The following NRXN1 variants were observed in gnomAD, a reference collection of about 807,000 sequenced individuals.
NRXN1 encodes the protein neurexin 1, also known as neurexin-1.
In NRXN1, 39 loss-of-function variants were observed where a neutral mutation model predicts 150.9. That is an observed-to-expected ratio of 0.26 (90% CI 0.20 to 0.34). The LOEUF is 0.34. Among genes scored for constraint, NRXN1 ranks in the 10% least tolerant of loss-of-function variants. The probability of loss-of-function intolerance (pLI) is 1.00; values close to 1 mark genes in which losing one functional copy is unlikely to be tolerated. For missense variants in NRXN1, 1,815 were observed against 1,949.9 expected, an observed-to-expected ratio of 0.93 and a Z score of 1.30; for synonymous variants, 924 against 757.0, an observed-to-expected ratio of 1.22 and a Z score of -3.62.
chr2:50,169,410 T>TA (rs1220140863), intron 18 of NRXN1, among the ~76,000 whole-genome samples: 1 of 151,876 alleles, frequency 6.6e-6, no homozygotes, highest in South Asian at 2.1e-4. Flanking sequence ...AAATGTTAAA[T>TA]AAAAAAATAT....
chr2:50,168,922 C>T (rs1016247230), intron 18 of NRXN1, among the ~76,000 whole-genome samples: 1 of 152,180 alleles, frequency 6.6e-6, no homozygotes, highest in African/African-American at 2.4e-5. Flanking sequence ...ACAGTTCACT[C>T]GTTCAAAAAC....
intron 8 of NRXN1, among the ~76,000 whole-genome samples, chr2:50,578,373 C>G (rs745543275): frequency 5.3e-5 from 8 of 152,128 alleles, no homozygotes; most frequent in Non-Finnish European, 1.2e-4. Context: ...TCTTTTGAAG[C>G]TGCATTTGTA....
intron 17 of NRXN1, among the ~76,000 whole-genome samples, chr2:50,372,189 A>T (rs531388317): frequency 1.3e-5 from 2 of 152,092 alleles, no homozygotes; most frequent in African/African-American, 2.4e-5. Flanking sequence ...AACACATTTC[A>T]GTTTGTCAGT....
In NRXN1 at chr2:50,390,478, T is replaced by C. The variant is rs377293112; in HGVS notation, c.3364+74964A>G. ...GTGGCTCACGCAATGACTTAATTTT[T>C]AAAATATCAATGCTGTGTAACTGTA... On this transcript the variant is annotated intron_variant, in intron 17 of 22. Coordinates refer to ENST00000401669, the MANE Select transcript of NRXN1 (RefSeq NM_001330078.2). Among the ~76,000 whole-genome samples, 9 of 152,286 alleles carry C rather than the reference T, an allele frequency of 5.9e-5. No homozygotes were observed. The East Asian group carries it at 1.5e-3, about 26-fold the overall frequency.
chr2:50,412,295 C>T (rs1001279408), intron 17 of NRXN1, among the ~76,000 whole-genome samples: 5 of 149,668 alleles, frequency 3.3e-5, no homozygotes, highest in Admixed American at 1.3e-4. Context: ...GAGAAACACC[C>T]AAGAATGATC....
chr2:50,949,980 T>TA (rs1691035274), intron 2 of NRXN1, among the ~76,000 whole-genome samples: 2 of 152,164 alleles, frequency 1.3e-5, no homozygotes, highest in Non-Finnish European at 2.9e-5. Flanking sequence ...CATGCTAACT[T>TA]ACATAACTGT....
At chr2:50,320,320 A>ATG (rs1329331998) in intron 17 of NRXN1, among the ~76,000 whole-genome samples, 4 of 129,326 alleles carry the variant, frequency 3.1e-5, no homozygotes, top group Non-Finnish European at 6.5e-5. Flanking sequence ...ATATATATAT[A>ATG]TATATATAGT....
At chr2:50,689,068 G>A (rs1691679817) in intron 5 of NRXN1, among the ~76,000 whole-genome samples, 1 of 152,010 alleles carries the variant, frequency 6.6e-6, no homozygotes, top group African/African-American at 2.4e-5. Flanking sequence ...TGAGTCAGGG[G>A]AATCAATTTA....
At chr2:49,986,106 T>C (rs1431129346) in intron 21 of NRXN1, among the ~76,000 whole-genome samples, 1 of 152,192 alleles carries the variant, frequency 6.6e-6, no homozygotes. Flanking sequence ...ATATGTGACT[T>C]CGATCTAAAT....
chr2:50,376,178 C>T (rs2080479893), intron 17 of NRXN1, among the ~76,000 whole-genome samples: 1 of 151,714 alleles, frequency 6.6e-6, no homozygotes, highest in South Asian at 2.1e-4. Context: ...GCAATTGAAG[C>T]TTCTAAAAAA....
At chr2:50,156,538 T>C (rs1443929880) in intron 18 of NRXN1, among the ~76,000 whole-genome samples, 1 of 151,920 alleles carries the variant, frequency 6.6e-6, no homozygotes, top group Non-Finnish European at 1.5e-5. Context: ...TGGACACATT[T>C]TATAACTATA....
intron 8 of NRXN1, among the ~76,000 whole-genome samples, chr2:50,585,606 C>T (rs1326739180): frequency 2.6e-5 from 4 of 152,024 alleles, no homozygotes; most frequent in Non-Finnish European, 5.9e-5. Flanking sequence ...AAGTACTTTA[C>T]CTAATACTTG....
chr2:50,769,831 T>C (rs1426985650), intron 5 of NRXN1, among the ~76,000 whole-genome samples: 1 of 152,046 alleles, frequency 6.6e-6, no homozygotes, highest in Non-Finnish European at 1.5e-5. Context: ...TGTCAAAAAC[T>C]GACAGCCTAG....
At chr2:49,972,427 T>C (rs1678118297) in intron 21 of NRXN1, among the ~76,000 whole-genome samples, 2 of 152,224 alleles carry the variant, frequency 1.3e-5, no homozygotes, top group African/African-American at 4.8e-5. Flanking sequence ...AAAATAATAG[T>C]AGATTAGTTT....
intron 5 of NRXN1, among the ~76,000 whole-genome samples, chr2:50,863,430 A>G (rs1256190637): frequency 6.6e-6 from 1 of 151,904 alleles, no homozygotes; most frequent in Non-Finnish European, 1.5e-5. Context: ...GTTAAACTGT[A>G]TTGAGTTTCA....
intron 18 of NRXN1, among the ~76,000 whole-genome samples, chr2:50,167,833 A>T (rs887114881): frequency 6.6e-6 from 1 of 152,098 alleles, no homozygotes; most frequent in Non-Finnish European, 1.5e-5. Flanking sequence ...GGTAATTCTA[A>T]TTTATGGCCT....
chr2:50,870,715 T>C (rs1329134753), intron 5 of NRXN1, among the ~76,000 whole-genome samples: 1 of 152,036 alleles, frequency 6.6e-6, no homozygotes, highest in East Asian at 1.9e-4. Flanking sequence ...TCCCCTTTCC[T>C]GGACTTCCAA....
chr2:50,598,045 A>C (rs763592367), intron 8 of NRXN1, among the ~76,000 whole-genome samples: 9 of 152,102 alleles, frequency 5.9e-5, no homozygotes, highest in Non-Finnish European at 1.2e-4. Context: ...AGGCTGAGGC[A>C]GGAGAATTGC....
intron 5 of NRXN1, among the ~76,000 whole-genome samples, chr2:50,702,156 G>A (rs1339186841): frequency 6.6e-6 from 1 of 152,056 alleles, no homozygotes; most frequent in Non-Finnish European, 1.5e-5. Context: ...GATATTCTTA[G>A]AAATTCACCG....
Sources: allele counts gnomAD v4.1 joint callset (sites outside exome capture counted in the v4.1 genomes callset), GRCh38; gene constraint gnomAD v4.1.1; transcripts MANE v1.5; gene names NCBI Gene and HGNC (gene_info 2026-07-23, HGNC 2026-07-21).